Variants in CELF2 observed in about 807,000 individuals in gnomAD.
The protein encoded by CELF2 is CUG triplet repeat RNA-binding protein 2.
CELF2 carries 8 observed loss-of-function variants against 62.6 expected under a neutral mutation model. The observed-to-expected ratio is 0.13, with a 90% CI of 0.07 to 0.23. The LOEUF is 0.23. Among genes scored for constraint, CELF2 ranks in the 10% least tolerant of loss-of-function variants. The probability of loss-of-function intolerance (pLI) is 1.00; values close to 1 mark genes in which losing one functional copy is unlikely to be tolerated. For synonymous variants in CELF2, 258 were observed against 250.0 expected (o/e 1.03, Z -0.30); for missense variants, 333 against 671.0 (o/e 0.50, Z 5.56).
At chr10:10,736,223 A>G in the CELF2 span, among the ~76,000 whole-genome samples, 3 of 152,158 alleles carry the variant, frequency 2.0e-5, no homozygotes, top group African/African-American at 7.2e-5. Context: ...ATTGTCTTAC[A>G]ATGGCTCATG....
the CELF2 span, among the ~76,000 whole-genome samples, chr10:10,729,362 GAGT>G: frequency 6.6e-6 from 1 of 152,202 alleles, no homozygotes; most frequent in Non-Finnish European, 1.5e-5. Flanking sequence ...TTATTGGAAA[GAGT>G]ATAGCAGATG....
chr10:11,103,487 A>ATTTTT (rs3054364), intron 1 of CELF2, among the ~76,000 whole-genome samples: 9,532 of 119,514 alleles, frequency 0.08, 902 homozygotes, highest in African/African-American at 0.18. Context: ...TTGTAGCCTG[A>ATTTTT]TTTTTTTTTT....
At chr10:10,704,838 C>T in the CELF2 span, among the ~76,000 whole-genome samples, 1 of 151,806 alleles carries the variant, frequency 6.6e-6, no homozygotes, top group Non-Finnish European at 1.5e-5. Flanking sequence ...TGTTAGAATG[C>T]TCACCCACCC....
intron 1 of CELF2, among the ~76,000 whole-genome samples, chr10:10,808,115 T>C (rs2055428860): frequency 6.6e-6 from 1 of 152,160 alleles, no homozygotes; most frequent in African/African-American, 2.4e-5. Context: ...AAAATAACAC[T>C]ATCGACAAGA....
intron 1 of CELF2, among the ~76,000 whole-genome samples, chr10:10,900,729 T>C (rs1219849459): frequency 6.6e-6 from 1 of 151,986 alleles, no homozygotes; most frequent in East Asian, 1.9e-4. Flanking sequence ...TCAGAAAGAA[T>C]GCAATACAAA....
chr10:10,700,373 T>C, the CELF2 span, among the ~76,000 whole-genome samples: 2 of 152,208 alleles, frequency 1.3e-5, no homozygotes, highest in East Asian at 3.9e-4. Flanking sequence ...TCTGAAGGAG[T>C]GAAGGATGCG....
the CELF2 span, among the ~76,000 whole-genome samples, chr10:10,769,995 G>T: frequency 1.3e-5 from 2 of 152,042 alleles, no homozygotes; most frequent in Admixed American, 1.3e-4. Flanking sequence ...TGGTGATGGG[G>T]GGTTAGAAAG....
the CELF2 span, among the ~76,000 whole-genome samples, chr10:10,718,987 T>TC: frequency 1.4e-5 from 1 of 73,932 alleles, no homozygotes; most frequent in Non-Finnish European, 3.0e-5. Flanking sequence ...ATTATTCTCT[T>TC]TTTTTTTTTT....
intron 9 of CELF2, among the ~76,000 whole-genome samples, chr10:11,298,748 C>T (rs2093430557): frequency 6.6e-6 from 1 of 151,292 alleles, no homozygotes; most frequent in South Asian, 2.1e-4. Context: ...TTTAAAAAAA[C>T]GATGTTTAAG....
Position 11,244,146 on chromosome 10 carries a change from T to C in CELF2, c.355-5007T>C, listed in dbSNP as rs2074887667. Among the ~76,000 whole-genome samples the C allele has an allele frequency of 6.6e-6, 1 of 152,246 alleles. No individual in the cohort carries two copies. The highest frequency in any genetic ancestry group is 2.4e-5 in the African/African-American group (1 of 41,478). ...TGGGGAAGCAGTTGAGAAGCAACAG[T>C]TCTGACCCCACTCATTTCATCATTA... On this transcript the variant is annotated intron_variant, in intron 3 of 12. Transcript: ENST00000633077. This position sits in a 1 kb window ranked among gnomAD's most constrained non-coding sequence, Gnocchi z 4.2.
At position 11,314,381 on chromosome 10, in the gene CELF2, A is replaced by T; in HGVS notation, c.1096+123A>T. 1 of 1,305,814 alleles carries T rather than the reference A, an allele frequency of 7.7e-7. No homozygotes were observed. Among genetic ancestry groups the T allele is most frequent in the Non-Finnish European group, 1.1e-6 (1 of 911,178 alleles). 80.9% of individuals were successfully genotyped at this position (1,305,814 alleles called of 1,614,324 possible). On this transcript the variant is annotated intron_variant, in intron 10 of 12. Transcript: ENST00000633077. This position sits in a 1 kb window ranked among gnomAD's most constrained non-coding sequence, Gnocchi z 5.3. ...GCCACGGGGAGAACTAAAACTTGGG[A>T]TGGAGGAGCACATGCTTTGATAGGC... is the stretch of plus-strand genomic sequence containing the variant.
At position 11,077,359 on chromosome 10, in the gene CELF2, G is replaced by A. The variant is rs193260254; in HGVS notation, c.74+59196G>A. Among the ~76,000 whole-genome samples, 6 of 152,258 alleles carry A rather than the reference G, an allele frequency of 3.9e-5. No homozygotes were observed. The East Asian group carries it at 7.7e-4, about 20-fold the overall frequency. ...AAGTACAGGGAAAGTAAGGAAACAC[G>A]ACTCTGGAAACATCTGAAATAATCC... On this transcript the variant is annotated intron_variant, in intron 1 of 12. Coordinates refer to ENST00000633077, the MANE Select transcript of CELF2 (RefSeq NM_001326342.2).
chr10:10,706,863 T>A, the CELF2 span, among the ~76,000 whole-genome samples: 1 of 152,202 alleles, frequency 6.6e-6, no homozygotes, highest in South Asian at 2.1e-4. Flanking sequence ...TTACAAGCCA[T>A]GCAAAGATAT....
rs572043402 is a variant in CELF2, at chr10:11,037,258, C to T, written c.74+19095C>T. Among the ~76,000 whole-genome samples the T allele has an allele frequency of 2.6e-5, 4 of 152,352 alleles. No individual in the cohort carries two copies. The South Asian group carries it at 8.3e-4, about 32-fold the overall frequency. ...GAGCTCCCCTTTATAAAACCATCAG[C>T]TCTCCTGAGACTTACTGTCGTGAGA... On this transcript the variant is annotated intron_variant, in intron 1 of 12. Coordinates refer to ENST00000633077, the MANE Select transcript of CELF2 (RefSeq NM_001326342.2).
intron 1 of CELF2, among the ~76,000 whole-genome samples, chr10:11,160,554 T>C (rs2065461942): frequency 6.6e-6 from 1 of 150,904 alleles, no homozygotes; most frequent in African/African-American, 2.4e-5. Flanking sequence ...GCCACATGTA[T>C]CTAGTGGCCA....
intron 1 of CELF2, among the ~76,000 whole-genome samples, chr10:11,123,462 C>G (rs2058130521): frequency 6.6e-6 from 1 of 152,078 alleles, no homozygotes; most frequent in Non-Finnish European, 1.5e-5. Flanking sequence ...TGTTCCCCAG[C>G]TGGTCTCAAA....
chr10:10,901,151 G>C (rs2062910455), intron 1 of CELF2, among the ~76,000 whole-genome samples: 2 of 152,298 alleles, frequency 1.3e-5, no homozygotes, highest in East Asian at 3.9e-4. Flanking sequence ...AACATCCCAA[G>C]AGGATTTTTC....
At chr10:10,623,365 TATC>T in the CELF2 span, among the ~76,000 whole-genome samples, 1 of 152,204 alleles carries the variant, frequency 6.6e-6, no homozygotes, top group African/African-American at 2.4e-5. Context: ...ATTGCAGAAT[TATC>T]ATTTAATTTA....
At chr10:10,495,450 C>T in the CELF2 span, among the ~76,000 whole-genome samples, 1 of 152,118 alleles carries the variant, frequency 6.6e-6, no homozygotes, top group Non-Finnish European at 1.5e-5. Flanking sequence ...GACATTGCCC[C>T]TTTACTAGGA....
Sources: gnomAD v4.1 joint callset for allele counts (sites outside exome capture counted in the v4.1 genomes callset) on GRCh38, gnomAD v4.1.1 for gene constraint, Gnocchi (gnomAD v3.1) non-coding constraint, MANE v1.5 for transcripts, NCBI Gene and HGNC (gene_info 2026-07-23, HGNC 2026-07-21) for gene names.